CTNNA3: variants seen among roughly 807,000 people sequenced by gnomAD.
CTNNA3 encodes catenin alpha-3.
Under a neutral mutation model 95.7 loss-of-function variants are expected in CTNNA3, and 76 were observed. That is an observed-to-expected ratio of 0.79 (90% CI 0.66 to 0.96). The LOEUF (loss-of-function observed/expected upper bound fraction) is 0.96. Ranked by LOEUF, CTNNA3 falls within the 40% of genes least tolerant of loss-of-function variation. The pLI is 0.00. For synonymous variants in CTNNA3, 431 were observed against 374.4 expected, an observed-to-expected ratio of 1.15 and a Z score of -1.74; for missense variants, 1,191 against 1,089.8, an observed-to-expected ratio of 1.09 and a Z score of -1.31.
intron 7 of CTNNA3, among the ~76,000 whole-genome samples, chr10:66,908,691 T>A (rs1299404151): frequency 1.3e-5 from 2 of 152,076 alleles, no homozygotes; most frequent in Admixed American, 6.6e-5. Flanking sequence ...TTTAAAAAAA[T>A]TCATTTTTAT....
chr10:66,227,298 G>T (rs1177242738), intron 13 of CTNNA3, among the ~76,000 whole-genome samples: 1 of 151,746 alleles, frequency 6.6e-6, no homozygotes, highest in African/African-American at 2.4e-5. Context: ...TCTCCATTCA[G>T]TATATTAGCT....
rs530211402 is a variant in CTNNA3 at position 66,805,626 on chromosome 10, G to A, written c.1048-30102C>T. 1.5e-3 allele frequency among the ~76,000 whole-genome samples: 227 copies of A among 151,740 alleles called. 1 individual carries two copies. The highest frequency in any genetic ancestry group is 4.8e-3 in the African/African-American group (199 of 41,422). ...TTTTCTGAGATGTCTATTTTTCTCA[G>A]AAAATTCAAGCTATCTCTTTTATAG... On this transcript the variant is annotated intron_variant, in intron 7 of 17. Transcript: ENST00000433211.
At chr10:66,215,755 T>C (rs931793224) in intron 13 of CTNNA3, among the ~76,000 whole-genome samples, 3 of 152,218 alleles carry the variant, frequency 2.0e-5, no homozygotes, top group Non-Finnish European at 2.9e-5. Context: ...TTAGGTATCA[T>C]AGGCTTATGT....
intron 5 of CTNNA3, among the ~76,000 whole-genome samples, chr10:67,507,270 C>T (rs749709548): frequency 6.6e-6 from 1 of 152,176 alleles, no homozygotes; most frequent in Non-Finnish European, 1.5e-5. Context: ...TGGCTCACGC[C>T]TGTAATCCCA....
intron 7 of CTNNA3, among the ~76,000 whole-genome samples, chr10:67,110,527 T>C (rs1368296288): frequency 6.6e-6 from 1 of 152,144 alleles, no homozygotes; most frequent in African/African-American, 2.4e-5. Flanking sequence ...CTTTAAGAAA[T>C]ACTATTAAAT....
In CTNNA3 at chr10:66,318,276, ATGTG is replaced by A. The variant is rs138734509; in HGVS notation, c.1733-37659_1733-37656del. 5.2e-3 allele frequency among the ~76,000 whole-genome samples: 716 copies of A among 136,636 alleles called. 4 individuals are homozygous for A. The highest frequency in any genetic ancestry group is 0.014 in the Middle Eastern group (4 of 278). 89.6% of individuals were successfully genotyped at this position (136,636 alleles called of 152,430 possible). A position where few individuals can be genotyped will look rare whatever the true frequency, so the allele number is the denominator to read the frequency against. Reference sequence around the variant, plus strand: ...GTTGCTGGGAGATATATATATATATATGTGTGTGTGTGTGTGTGTGTGTGTGTGT... The same window carrying A: ...GTTGCTGGGAGATATATATATATATATGTGTGTGTGTGTGTGTGTGTGTGT... On this transcript the variant is annotated intron_variant, in intron 12 of 17. Transcript: ENST00000433211.
At chr10:67,201,813 T>C (rs1217059684) in intron 6 of CTNNA3, among the ~76,000 whole-genome samples, 1 of 152,212 alleles carries the variant, frequency 6.6e-6, no homozygotes, top group Non-Finnish European at 1.5e-5. Context: ...CACGATCAGC[T>C]ACGTGATTTG....
In CTNNA3 at chr10:67,628,261, AAAG is replaced by A. The variant is rs1263304457; in HGVS notation, c.99+19151_99+19153del. Among the ~76,000 whole-genome samples, 838 of 147,402 alleles carry A rather than the reference AAAG, an allele frequency of 5.7e-3. 6 individuals are homozygous for A. Among genetic ancestry groups the A allele is most frequent in the African/African-American group, 0.021 (795 of 37,958 alleles). ...TTTTGAGTAAACTGCAAAAAAAAAA[AAAG>A]GGGAGAAACAGCTTTTGTGTGCCTC... On this transcript the variant is annotated intron_variant, in intron 2 of 17. Coordinates refer to ENST00000433211, the MANE Select transcript of CTNNA3 (RefSeq NM_013266.4).
At chr10:66,583,648 T>G (rs776256330) in intron 10 of CTNNA3, among the ~76,000 whole-genome samples, 51 of 151,850 alleles carry the variant, frequency 3.4e-4, no homozygotes, top group Non-Finnish European at 5.5e-4. Flanking sequence ...GTTTCATTGG[T>G]CCTTTGGATT....
At chr10:66,322,116 C>G (rs1312917915) in intron 12 of CTNNA3, among the ~76,000 whole-genome samples, 1 of 152,084 alleles carries the variant, frequency 6.6e-6, no homozygotes, top group Non-Finnish European at 1.5e-5. Flanking sequence ...GAATCTTTTT[C>G]TAAGTTCTGT....
At chr10:67,426,453 G>GT (rs1220781024) in intron 5 of CTNNA3, among the ~76,000 whole-genome samples, 1 of 152,040 alleles carries the variant, frequency 6.6e-6, no homozygotes, top group African/African-American at 2.4e-5. Flanking sequence ...ATAGTAAGTT[G>GT]TAATAGAAGA....
intron 7 of CTNNA3, among the ~76,000 whole-genome samples, chr10:67,101,401 C>G (rs2131944979): frequency 6.6e-6 from 1 of 151,564 alleles, no homozygotes; most frequent in East Asian, 1.9e-4. Flanking sequence ...AAGATTTCTT[C>G]TTAAACCATG....
intron 10 of CTNNA3, among the ~76,000 whole-genome samples, chr10:66,562,367 T>C (rs1401549551): frequency 6.6e-6 from 1 of 152,170 alleles, no homozygotes; most frequent in Non-Finnish European, 1.5e-5. Flanking sequence ...TTAAGCCAAC[T>C]GGCTGATGTT....
intron 11 of CTNNA3, among the ~76,000 whole-genome samples, chr10:66,385,046 G>C (rs1443471535): frequency 6.6e-6 from 1 of 152,076 alleles, no homozygotes; most frequent in African/African-American, 2.4e-5. Flanking sequence ...AGAAGCAAGA[G>C]CAAACACATT....
intron 7 of CTNNA3, among the ~76,000 whole-genome samples, chr10:67,108,882 A>G (rs939874273): frequency 2.0e-5 from 3 of 152,148 alleles, no homozygotes; most frequent in South Asian, 2.1e-4. Context: ...ACCCCTTCCC[A>G]CAATCTTTGC....
chr10:65,993,258 A>C (rs1302473911), intron 15 of CTNNA3, among the ~76,000 whole-genome samples: 1 of 152,226 alleles, frequency 6.6e-6, no homozygotes, highest in Non-Finnish European at 1.5e-5. Context: ...TCTTAGGCCA[A>C]TGTGGTCTAA....
intron 11 of CTNNA3, among the ~76,000 whole-genome samples, chr10:66,434,301 G>C (rs1176534818): frequency 6.6e-6 from 1 of 152,114 alleles, no homozygotes; most frequent in African/African-American, 2.4e-5. Context: ...CTGTTTGTTT[G>C]TGTTGTCTCT....
Position 66,161,958 on chromosome 10 carries a change from C to T in CTNNA3, c.1885-58709G>A, listed in dbSNP as rs116382481. 2.5e-3 allele frequency among the ~76,000 whole-genome samples: 385 copies of T among 152,154 alleles called. 4 individuals carry two copies. The highest frequency in any genetic ancestry group is 9.0e-3 in the African/African-American group (375 of 41,526). On this transcript the variant is annotated intron_variant, in intron 13 of 17. Transcript: ENST00000433211. The stretch of plus-strand genomic sequence containing the variant: ...AATTCAAAGACCTTGTCTTTCAGCT[C>T]TGAATTTCTTTATTCTACTTGTTCA...
At chr10:67,222,568 A>T (rs997711744) in intron 5 of CTNNA3, among the ~76,000 whole-genome samples, 7 of 152,218 alleles carry the variant, frequency 4.6e-5, no homozygotes, top group Non-Finnish European at 7.3e-5. Flanking sequence ...CTGTTTCTGT[A>T]CTGATAATCT....
Sources: allele counts gnomAD v4.1 joint callset (sites outside exome capture counted in the v4.1 genomes callset), GRCh38; gene constraint gnomAD v4.1.1; transcripts MANE v1.5; gene names NCBI Gene and HGNC (gene_info 2026-07-23, HGNC 2026-07-21).